Variants in SPAG17 observed in about 807,000 individuals in gnomAD.
SPAG17 encodes sperm associated antigen 17, also known as sperm-associated antigen 17.
A neutral mutation model predicts 273.6 loss-of-function variants in SPAG17; 169 were observed. The ratio of observed to expected loss-of-function variants is 0.62; its 90% CI spans 0.55 to 0.70. The LOEUF (loss-of-function observed/expected upper bound fraction) is 0.70. Ranked by LOEUF, SPAG17 falls within the 30% of genes least tolerant of loss-of-function variation. SPAG17 has a pLI of 0.00. For synonymous variants in SPAG17, 825 were observed against 873.2 expected (o/e 0.94, Z 0.97); for missense variants, 2,557 against 2,627.8 (o/e 0.97, Z 0.59).
chr1:117,969,204 A>G (rs551917375), intron 46 of SPAG17, among the ~76,000 whole-genome samples: 1 of 152,332 alleles, frequency 6.6e-6, no homozygotes, highest in African/African-American at 2.4e-5. Flanking sequence ...GGATGTATCA[A>G]ATAAAGTCAG....
At chr1:118,032,759 T>C (rs563050847) in intron 24 of SPAG17, among the ~76,000 whole-genome samples, 1 of 151,704 alleles carries the variant, frequency 6.6e-6, no homozygotes, top group Admixed American at 6.6e-5. Context: ...GCCTGGCTAA[T>C]TTTTTTGTAT....
chr1:118,016,655 A>T (rs1471890813), intron 28 of SPAG17, among the ~76,000 whole-genome samples: 1 of 152,208 alleles, frequency 6.6e-6, no homozygotes, highest in Non-Finnish European at 1.5e-5. Context: ...TTTTGTCAGT[A>T]ATAACAGGAA....
intron 44 of SPAG17, among the ~76,000 whole-genome samples, chr1:117,972,418 C>T (rs1002488374): frequency 6.6e-6 from 1 of 152,238 alleles, no homozygotes; most frequent in African/African-American, 2.4e-5. Flanking sequence ...GCTGACTTTA[C>T]CCCCAGAGTT....
chr1:118,040,316 T>C (rs1649586670), intron 22 of SPAG17, among the ~76,000 whole-genome samples: 1 of 152,144 alleles, frequency 6.6e-6, no homozygotes, highest in African/African-American at 2.4e-5. Context: ...TAGGTGGATA[T>C]TGGAAGCAGG....
chr1:118,074,618 C>A lies in SPAG17; in HGVS notation c.2210-18G>T, dbSNP rs748041542. 7.1e-5 allele frequency: 114 copies of A among 1,609,996 alleles called. No individual in the cohort carries two copies. The highest frequency in any genetic ancestry group is 9.3e-5 in the Non-Finnish European group (109 of 1,176,786). On this transcript the variant is annotated intron_variant, in intron 15 of 48. Coordinates refer to ENST00000336338, the MANE Select transcript of SPAG17 (RefSeq NM_206996.4). The stretch of plus-strand genomic sequence containing the variant: ...GGTCTGCTCTGCAAATCAAAGACAC[C>A]AACATCCAGTTGTGTTCTGGCTTTG...
chr1:117,962,474 G>A (rs1653231155), intron 48 of SPAG17: 1 of 151,410 alleles, frequency 6.6e-6, no homozygotes, highest in Admixed American at 6.6e-5. Context: ...ATAAAGAAAA[G>A]CCTTTTGAGA....
chr1:117,987,924 T>C, intron 39 of SPAG17, 43 bp from the exon 40 acceptor site: 4 of 1,608,720 alleles, frequency 2.5e-6, no homozygotes, highest in East Asian at 2.2e-5. Flanking sequence ...GGGGCAATGA[T>C]TTCAGCTTAA....
chr1:118,151,862 C>T (rs1366037212), intron 1 of SPAG17, among the ~76,000 whole-genome samples: 1 of 152,164 alleles, frequency 6.6e-6, no homozygotes, highest in Non-Finnish European at 1.5e-5. Context: ...ATCTTTTTCT[C>T]TTAATGTAAC....
At chr1:118,064,063 C>A (rs368232354) in intron 18 of SPAG17, among the ~76,000 whole-genome samples, 17 of 151,926 alleles carry the variant, frequency 1.1e-4, no homozygotes, top group Admixed American at 5.3e-4. Flanking sequence ...TTAGAATGGC[C>A]ATCATTAAAA....
At chr1:118,177,309 G>A (rs1405516317) in intron 1 of SPAG17, among the ~76,000 whole-genome samples, 3 of 152,156 alleles carry the variant, frequency 2.0e-5, no homozygotes, top group Non-Finnish European at 4.4e-5. Flanking sequence ...GAAAGCATAT[G>A]AGCCAGTTCA....
chr1:117,996,293 GAAGA>G, intron 34 of SPAG17, 73 bp downstream of exon 34: 9 of 1,470,950 alleles, frequency 6.1e-6, no homozygotes, highest in Non-Finnish European at 8.2e-6. Flanking sequence ...AAGATGACAT[GAAGA>G]TAGACTGGAT....
At chr1:117,959,293 A>G in intron 48 of SPAG17, 1 of 1,610,714 alleles carries the variant, frequency 6.2e-7, no homozygotes. Context: ...GCACTCCAGG[A>G]TGTTATCGGC....
chr1:118,171,907 T>C (rs1187753792), intron 1 of SPAG17, among the ~76,000 whole-genome samples: 2 of 152,168 alleles, frequency 1.3e-5, no homozygotes, highest in South Asian at 2.1e-4. Context: ...AATCACTACA[T>C]GTCTTTGGAC....
chr1:117,998,971 T>C (rs1405128665), intron 32 of SPAG17, among the ~76,000 whole-genome samples: 39 of 152,060 alleles, frequency 2.6e-4, no homozygotes, highest in Non-Finnish European at 1.3e-4. Context: ...CCTAATGCTA[T>C]CCATCCCCCA....
chr1:118,149,169 G>A (rs921552335), intron 3 of SPAG17, among the ~76,000 whole-genome samples: 1 of 152,174 alleles, frequency 6.6e-6, no homozygotes, highest in African/African-American at 2.4e-5. Context: ...GGAAGAATGT[G>A]GTAGAGCCAG....
chr1:117,978,949 C>T (rs1479387445), intron 43 of SPAG17, among the ~76,000 whole-genome samples: 1 of 151,382 alleles, frequency 6.6e-6, no homozygotes, highest in Non-Finnish European at 1.5e-5. Flanking sequence ...CTCATTGCAA[C>T]CTCTACCTCC....
intron 34 of SPAG17, among the ~76,000 whole-genome samples, chr1:117,995,042 C>T (rs1036701792): frequency 1.3e-5 from 2 of 152,092 alleles, no homozygotes; most frequent in African/African-American, 4.8e-5. Flanking sequence ...TTTGCCTCTA[C>T]CTCAACTTGT....
intron 19 of SPAG17, 55 bp downstream of exon 19, chr1:118,055,678 G>T: frequency 7.3e-7 from 1 of 1,366,854 alleles, no homozygotes; most frequent in Non-Finnish European, 1.0e-6. Context: ...TAAATTAAGA[G>T]AGAGAAGAAC....
At chr1:118,167,717 A>G (rs1212317785) in intron 1 of SPAG17, among the ~76,000 whole-genome samples, 1 of 152,216 alleles carries the variant, frequency 6.6e-6, no homozygotes, top group Non-Finnish European at 1.5e-5. Context: ...CAGAGTCAAC[A>G]GGATTTACTG....
Sources: allele counts gnomAD v4.1 joint callset (sites outside exome capture counted in the v4.1 genomes callset), GRCh38; gene constraint gnomAD v4.1.1; transcripts MANE v1.5; gene names NCBI Gene and HGNC (gene_info 2026-07-23, HGNC 2026-07-21).